The following BAALC variants were observed in gnomAD, a reference collection of about 807,000 sequenced individuals.
BAALC encodes the protein brain and acute leukemia cytoplasmic protein.
BAALC carries 9 observed loss-of-function variants against 15.5 expected under a neutral mutation model. That is an observed-to-expected ratio of 0.58 (90% CI 0.35 to 1.02). BAALC has a LOEUF of 1.02. BAALC is among the 50% of genes least tolerant of loss of function. BAALC has a pLI of 0.02. For missense variants in BAALC, 201 were observed against 192.4 expected, an observed-to-expected ratio of 1.04 and a Z score of -0.27; for synonymous variants, 80 against 74.6, an observed-to-expected ratio of 1.07 and a Z score of -0.37.
chr8:103,153,647 T>C (rs978131940), intron 1 of BAALC, among the ~76,000 whole-genome samples: 5 of 152,226 alleles, frequency 3.3e-5, no homozygotes, highest in African/African-American at 1.2e-4. Context: ...TAATATTCCA[T>C]GGCACCAATT....
At chr8:103,206,093 GT>G (rs1812322467) in intron 1 of BAALC, among the ~76,000 whole-genome samples, 1 of 152,242 alleles carries the variant, frequency 6.6e-6, no homozygotes, top group African/African-American at 2.4e-5. Flanking sequence ...GCTGAGGGCA[GT>G]TTCCAGAGTC....
intron 1 of BAALC, among the ~76,000 whole-genome samples, chr8:103,182,193 A>G (rs1174219380): frequency 6.6e-6 from 1 of 152,212 alleles, no homozygotes; most frequent in Non-Finnish European, 1.5e-5. Flanking sequence ...CAGGTGTGCA[A>G]CATCTCAACT....
At chr8:103,183,087 A>G (rs1411414102) in intron 1 of BAALC, among the ~76,000 whole-genome samples, 1 of 152,206 alleles carries the variant, frequency 6.6e-6, no homozygotes, top group Non-Finnish European at 1.5e-5. Flanking sequence ...GGATTTAACC[A>G]TTATTATCTC....
chr8:103,153,747 G>A (rs760685425), intron 1 of BAALC, among the ~76,000 whole-genome samples: 47 of 152,188 alleles, frequency 3.1e-4, no homozygotes, highest in Non-Finnish European at 6.0e-4. Context: ...GCAGCTCGCA[G>A]CCAACTGGCA....
chr8:103,155,919 T>G (rs1478622129), intron 1 of BAALC, among the ~76,000 whole-genome samples: 2 of 152,210 alleles, frequency 1.3e-5, no homozygotes, highest in Non-Finnish European at 2.9e-5. Context: ...AGGTCCTAGA[T>G]CAGAGGTTAG....
chr8:103,171,119 AAG>A (rs920754597), intron 1 of BAALC, among the ~76,000 whole-genome samples: 7 of 151,370 alleles, frequency 4.6e-5, no homozygotes, highest in Admixed American at 6.6e-5. Flanking sequence ...GAAAGGAAAA[AAG>A]AGAGAGAGAG....
At chr8:103,145,365 C>T (rs1810858507) in intron 1 of BAALC, among the ~76,000 whole-genome samples, 1 of 152,208 alleles carries the variant, frequency 6.6e-6, no homozygotes, top group South Asian at 2.1e-4. Flanking sequence ...ACATCTCTTA[C>T]CATTGGTCTT....
At chr8:103,220,314 A>G (rs115436055) in intron 2 of BAALC, among the ~76,000 whole-genome samples, 2,952 of 152,262 alleles carry the variant, frequency 0.019, 94 homozygotes, top group African/African-American at 0.068. Flanking sequence ...TAACATTCCC[A>G]CCTGTCTCTC....
At chr8:103,193,454 T>C (rs1364698080) in intron 1 of BAALC, among the ~76,000 whole-genome samples, 2 of 152,222 alleles carry the variant, frequency 1.3e-5, no homozygotes, top group African/African-American at 4.8e-5. Flanking sequence ...TGCCCTCTCT[T>C]GCTCTCAAGA....
At chr8:103,193,456 C>T (rs547917476) in intron 1 of BAALC, among the ~76,000 whole-genome samples, 14 of 152,342 alleles carry the variant, frequency 9.2e-5, no homozygotes, top group African/African-American at 3.4e-4. Context: ...CCCTCTCTTG[C>T]TCTCAAGAAA....
At chr8:103,157,450 G>A (rs570484565) in intron 1 of BAALC, among the ~76,000 whole-genome samples, 191 of 151,970 alleles carry the variant, frequency 1.3e-3, no homozygotes, top group African/African-American at 4.2e-3. Context: ...AGCAAATTCC[G>A]GAAGTCATGT....
At chr8:103,214,997 G>T (rs1812526745) in intron 2 of BAALC, 1 of 152,158 alleles carries the variant, frequency 6.6e-6, no homozygotes, top group African/African-American at 2.4e-5. Context: ...TCAAAAGCTT[G>T]ATGACTGCTC....
At chr8:103,177,561 C>T (rs555287486) in intron 1 of BAALC, among the ~76,000 whole-genome samples, 18 of 152,268 alleles carry the variant, frequency 1.2e-4, no homozygotes, top group African/African-American at 4.1e-4. Context: ...CCCCTAGGAC[C>T]GCAGTTTCTG....
intron 1 of BAALC, among the ~76,000 whole-genome samples, chr8:103,163,222 CTCTT>C (rs1287265397): frequency 6.6e-6 from 1 of 152,002 alleles, no homozygotes; most frequent in Non-Finnish European, 1.5e-5. Context: ...TTTTTAGTTC[CTCTT>C]TCATGATTTG....
At chr8:103,170,619 C>A (rs72671394) in intron 1 of BAALC, among the ~76,000 whole-genome samples, 2 of 152,080 alleles carry the variant, frequency 1.3e-5, no homozygotes, top group Non-Finnish European at 2.9e-5. Flanking sequence ...GGGTGTGGAA[C>A]TGATTCTCAG....
At chr8:103,195,729 G>GA (rs1812080619) in intron 1 of BAALC, among the ~76,000 whole-genome samples, 2 of 152,112 alleles carry the variant, frequency 1.3e-5, no homozygotes. Context: ...TACATCAAGG[G>GA]AAAAAATACT....
chr8:103,202,750 A>G (rs1812246330), intron 1 of BAALC: 1 of 152,256 alleles, frequency 6.6e-6, no homozygotes, highest in South Asian at 2.1e-4. Context: ...GAATTTCATG[A>G]CCGAGTTGGG....
chr8:103,180,895 G>T (rs1811711626), intron 1 of BAALC, among the ~76,000 whole-genome samples: 1 of 152,136 alleles, frequency 6.6e-6, no homozygotes, highest in South Asian at 2.1e-4. Context: ...CTTTTCTTTT[G>T]TTCCTTCCTT....
At chr8:103,164,691 A>G (rs905007288) in intron 1 of BAALC, among the ~76,000 whole-genome samples, 1 of 152,098 alleles carries the variant, frequency 6.6e-6, no homozygotes, top group Non-Finnish European at 1.5e-5. Flanking sequence ...ACTTCCTCCG[A>G]TGGAACATTT....
Sources: allele counts gnomAD v4.1 joint callset (sites outside exome capture counted in the v4.1 genomes callset), GRCh38; gene constraint gnomAD v4.1.1; transcripts MANE v1.5; gene names NCBI Gene and HGNC (gene_info 2026-07-23, HGNC 2026-07-21).